Variants in RASAL2 observed in about 807,000 individuals in gnomAD.
RASAL2 encodes the protein RAS protein activator like 2.
A neutral mutation model predicts 128.9 loss-of-function variants in RASAL2; 58 were observed. That is an observed-to-expected ratio of 0.45 (90% CI 0.36 to 0.56). The LOEUF is 0.56. Among genes scored for constraint, RASAL2 ranks in the 20% least tolerant of loss-of-function variants. The pLI, the probability that RASAL2 is intolerant of heterozygous loss-of-function variation, is 0.00. For missense variants in RASAL2, 1,360 were observed against 1,601.6 expected (o/e 0.85, Z 2.57); for synonymous variants, 561 against 580.8 (o/e 0.97, Z 0.49).
rs1674191597 is a variant in RASAL2 at position 178,409,150 on chromosome 1, T to C, written c.565-11361T>C. Among the ~76,000 whole-genome samples, 4 of 152,294 alleles carry C rather than the reference T, an allele frequency of 2.6e-5. No homozygotes were observed. The South Asian group carries it at 8.3e-4, about 32-fold the overall frequency. On this transcript the variant is annotated intron_variant, in intron 4 of 17. Coordinates refer to ENST00000367649, the MANE Select transcript of RASAL2 (RefSeq NM_170692.4). The stretch of plus-strand genomic sequence containing the variant: ...GAGGTGGTTGGAGAAGATTGCATCA[T>C]GGGAGAGGATTTCCCCTATGCTGTT...
chr1:178,208,487 C>CGCTAGTA (rs946315954), intron 1 of RASAL2, among the ~76,000 whole-genome samples: 2 of 152,124 alleles, frequency 1.3e-5, no homozygotes, highest in African/African-American at 4.8e-5. Context: ...AAAAACTCCG[C>CGCTAGTA]GCTAGTAAAT....
At chr1:178,111,031 T>C (rs552544017) in intron 1 of RASAL2, among the ~76,000 whole-genome samples, 73 of 152,324 alleles carry the variant, frequency 4.8e-4, no homozygotes, top group African/African-American at 1.7e-3. Context: ...GTAAGTGGAA[T>C]TGTATGATAT....
intron 1 of RASAL2, among the ~76,000 whole-genome samples, chr1:178,167,802 A>C (rs1232107509): frequency 6.6e-6 from 1 of 151,928 alleles, no homozygotes; most frequent in Non-Finnish European, 1.5e-5. Context: ...AATCTCCAAA[A>C]ATTTTCAAAT....
chr1:178,263,944 C>T (rs1470244600), intron 1 of RASAL2, among the ~76,000 whole-genome samples: 3 of 152,108 alleles, frequency 2.0e-5, no homozygotes, highest in East Asian at 1.9e-4. Flanking sequence ...CAGAGGTCAG[C>T]GTGTGCCATT....
At chr1:178,155,857 A>C (rs989762632) in intron 1 of RASAL2, among the ~76,000 whole-genome samples, 1 of 152,168 alleles carries the variant, frequency 6.6e-6, no homozygotes, top group East Asian at 1.9e-4. Flanking sequence ...AAGTTGTTAC[A>C]GAGATTCTTA....
chr1:178,312,891 T>C (rs1466634802), intron 3 of RASAL2, among the ~76,000 whole-genome samples: 2 of 152,218 alleles, frequency 1.3e-5, no homozygotes, highest in Non-Finnish European at 2.9e-5. Flanking sequence ...CTTTTTATCA[T>C]ATTGGGCACT....
At chr1:178,187,750 A>G (rs1571603716) in intron 1 of RASAL2, among the ~76,000 whole-genome samples, 1 of 152,038 alleles carries the variant, frequency 6.6e-6, no homozygotes, top group Non-Finnish European at 1.5e-5. Flanking sequence ...ATTAGGGTGG[A>G]TCTGAAGTAC....
intron 3 of RASAL2, 43 bp from the exon 4 acceptor site, chr1:178,390,057 T>C (rs1383788587): frequency 7.6e-7 from 1 of 1,315,594 alleles, no homozygotes; most frequent in Non-Finnish European, 1.1e-6. Flanking sequence ...GATCCTAAAT[T>C]TGGGGTTCTT....
At position 178,474,160 on chromosome 1, in the gene RASAL2, C is replaced by T. The variant is rs1460074139; in HGVS notation, c.*921C>T. On this transcript the variant is annotated 3_prime_UTR_variant, in exon 18 of 18. Transcript: ENST00000367649. ...TCATCACCAACAGGGTTTACTCTCC[C>T]CTGGAGAGGTTATTTAAATAGCTGT... 6.6e-6 allele frequency: 1 copy of T among 152,630 alleles called. No individual in the cohort carries two copies. The highest frequency in any genetic ancestry group is 1.5e-5 in the Non-Finnish European group (1 of 68,048). The allele number at this position is 152,630 out of a possible 1,614,324, so 9.5% of individuals were successfully genotyped here.
At chr1:178,223,869 T>C (rs775161111) in intron 1 of RASAL2, among the ~76,000 whole-genome samples, 2 of 152,116 alleles carry the variant, frequency 1.3e-5, no homozygotes, top group African/African-American at 2.4e-5. Flanking sequence ...TAACTAAGGT[T>C]TGGGGCTTGT....
At chr1:178,143,251 A>G (rs1660600233) in intron 1 of RASAL2, among the ~76,000 whole-genome samples, 1 of 151,916 alleles carries the variant, frequency 6.6e-6, no homozygotes, top group African/African-American at 2.4e-5. Flanking sequence ...TATCTATAAT[A>G]TCATAGATGT....
At chr1:178,399,515 A>G (rs1022315756) in intron 4 of RASAL2, among the ~76,000 whole-genome samples, 2 of 152,124 alleles carry the variant, frequency 1.3e-5, no homozygotes, top group African/African-American at 4.8e-5. Flanking sequence ...GGTGGCTGGC[A>G]TGGTGGAACC....
intron 1 of RASAL2, among the ~76,000 whole-genome samples, chr1:178,259,862 C>A (rs998251064): frequency 3.3e-5 from 5 of 152,140 alleles, no homozygotes; most frequent in African/African-American, 9.7e-5. Context: ...CTCCCCCCTG[C>A]ATGTTTTGAT....
At chr1:178,343,138 G>A (rs1669970984) in intron 3 of RASAL2, among the ~76,000 whole-genome samples, 1 of 152,154 alleles carries the variant, frequency 6.6e-6, no homozygotes, top group Non-Finnish European at 1.5e-5. Context: ...CACAGTAAAG[G>A]GATGTTGTCC....
chr1:178,314,942 C>A (rs1668433571), intron 3 of RASAL2, among the ~76,000 whole-genome samples: 1 of 119,920 alleles, frequency 8.3e-6, no homozygotes, highest in African/African-American at 3.2e-5. Context: ...CTCCCCCCTC[C>A]CCCCACCCCA....
intron 1 of RASAL2, among the ~76,000 whole-genome samples, chr1:178,141,647 A>T (rs2101859934): frequency 6.6e-6 from 1 of 152,160 alleles, no homozygotes; most frequent in East Asian, 1.9e-4. Context: ...GGGGTTGTGC[A>T]TTTGAGATTT....
At chr1:178,396,038 A>G (rs1050229648) in intron 4 of RASAL2, among the ~76,000 whole-genome samples, 7 of 152,122 alleles carry the variant, frequency 4.6e-5, no homozygotes, top group South Asian at 2.1e-4. Flanking sequence ...GAGAAAAAAA[A>G]AGAATAAGGT....
intron 1 of RASAL2, among the ~76,000 whole-genome samples, chr1:178,206,651 G>C (rs867581165): frequency 2.6e-5 from 4 of 152,114 alleles, no homozygotes; most frequent in Middle Eastern, 3.2e-3. Context: ...TTTGGTGAAA[G>C]CCTTAAATTT....
At chr1:178,270,233 C>T (rs1010430917) in intron 1 of RASAL2, among the ~76,000 whole-genome samples, 6 of 151,876 alleles carry the variant, frequency 4.0e-5, no homozygotes, top group African/African-American at 1.2e-4. Flanking sequence ...GCTGGACACT[C>T]GGGTTTCGAT....
Sources: allele counts gnomAD v4.1 joint callset (sites outside exome capture counted in the v4.1 genomes callset), GRCh38; gene constraint gnomAD v4.1.1; transcripts MANE v1.5; gene names NCBI Gene and HGNC (gene_info 2026-07-23, HGNC 2026-07-21).